Variants in UNC13C observed in about 807,000 individuals in gnomAD.
UNC13C encodes protein unc-13 homolog C.
UNC13C carries 174 observed loss-of-function variants against 245.4 expected under a neutral mutation model. The observed-to-expected ratio is 0.71, with a 90% CI of 0.63 to 0.80. UNC13C has a LOEUF of 0.80. Among genes scored for constraint, UNC13C ranks in the 30% least tolerant of loss-of-function variants. The pLI is 0.00. For synonymous variants in UNC13C, 992 were observed against 895.1 expected (o/e 1.11, Z -1.93); for missense variants, 2,829 against 2,602.9 (o/e 1.09, Z -1.89).
intron 2 of UNC13C, among the ~76,000 whole-genome samples, chr15:54,081,910 G>A (rs79827484): frequency 3.9e-5 from 6 of 151,948 alleles, no homozygotes; most frequent in African/African-American, 7.3e-5. Flanking sequence ...GTCCTTTTAC[G>A]GTAGCAAGTA....
chr15:53,885,871 A>G, the UNC13C span, among the ~76,000 whole-genome samples: 1 of 152,228 alleles, frequency 6.6e-6, no homozygotes, highest in African/African-American at 2.4e-5. Context: ...GTTGGTCATT[A>G]AGTCCTGTAC....
the UNC13C span, among the ~76,000 whole-genome samples, chr15:53,846,993 G>A: frequency 1.3e-5 from 2 of 152,080 alleles, no homozygotes; most frequent in African/African-American, 4.8e-5. Context: ...GAGAATAGTT[G>A]TCCTAGAGAG....
chr15:54,443,319 A>G (rs936827280), intron 19 of UNC13C, among the ~76,000 whole-genome samples: 4 of 151,956 alleles, frequency 2.6e-5, no homozygotes, highest in African/African-American at 9.7e-5. Flanking sequence ...TTGGTTCATC[A>G]AGCTAATGGT....
intron 30 of UNC13C, among the ~76,000 whole-genome samples, chr15:54,586,577 C>G (rs954199641): frequency 2.0e-5 from 3 of 152,166 alleles, no homozygotes; most frequent in Admixed American, 6.5e-5. Flanking sequence ...CCCTTTCTTC[C>G]AATAAAGTCA....
At chr15:54,115,811 C>G (rs1442650323) in intron 2 of UNC13C, among the ~76,000 whole-genome samples, 3 of 151,980 alleles carry the variant, frequency 2.0e-5, no homozygotes, top group African/African-American at 7.2e-5. Flanking sequence ...AGATGAATGA[C>G]ATGATTTCCC....
At chr15:53,845,209 C>T in the UNC13C span, among the ~76,000 whole-genome samples, 2 of 151,566 alleles carry the variant, frequency 1.3e-5, no homozygotes, top group Non-Finnish European at 2.9e-5. Flanking sequence ...CCTGTAGTTC[C>T]AGCTACTCAG....
At chr15:54,541,832 G>A (rs1896260249) in intron 26 of UNC13C, among the ~76,000 whole-genome samples, 1 of 151,994 alleles carries the variant, frequency 6.6e-6, no homozygotes, top group African/African-American at 2.4e-5. Context: ...TATTAAAATA[G>A]GTAAATTTTT....
At chr15:54,489,250 C>A (rs933384011) in intron 19 of UNC13C, among the ~76,000 whole-genome samples, 2 of 152,072 alleles carry the variant, frequency 1.3e-5, no homozygotes, top group African/African-American at 4.8e-5. Flanking sequence ...TGAGAGACCA[C>A]AAATATGAAA....
At chr15:54,000,321 A>T (rs1894827945) in intron 1 of UNC13C, among the ~76,000 whole-genome samples, 1 of 152,094 alleles carries the variant, frequency 6.6e-6, no homozygotes. Flanking sequence ...AACCTCTCCA[A>T]ACTTTGATCT....
At chr15:54,532,476 A>G (rs1317288962) in intron 25 of UNC13C, among the ~76,000 whole-genome samples, 1 of 152,218 alleles carries the variant, frequency 6.6e-6, no homozygotes, top group Non-Finnish European at 1.5e-5. Context: ...GTACATATAC[A>G]CCATGAAATA....
chr15:54,448,356 C>A (rs1466211182), intron 19 of UNC13C, among the ~76,000 whole-genome samples: 1 of 152,128 alleles, frequency 6.6e-6, no homozygotes, highest in Non-Finnish European at 1.5e-5. Flanking sequence ...GTTGATCTGT[C>A]TAATGTTGAC....
chr15:53,908,624 G>T, the UNC13C span, among the ~76,000 whole-genome samples: 1 of 144,228 alleles, frequency 6.9e-6, no homozygotes, highest in Non-Finnish European at 1.5e-5. Context: ...GCATGGTGAT[G>T]TGCACCTGTA....
At chr15:54,281,951 G>A (rs749193579) in intron 10 of UNC13C, among the ~76,000 whole-genome samples, 24 of 152,060 alleles carry the variant, frequency 1.6e-4, no homozygotes, top group Non-Finnish European at 2.9e-4. Context: ...TGTTCATGTA[G>A]CCTAATGTTT....
Position 54,493,530 on chromosome 15 carries a change from C to T in UNC13C, c.4934-1078C>T, listed in dbSNP as rs546612812. On this transcript the variant is annotated intron_variant, in intron 19 of 32. Transcript: ENST00000260323. ...TTGGGATTTTAGTCCCTCTATATTCCGGTTTTGAAAAGCAGGGATGCCTTT... is the reference window on the plus strand; with the variant it reads ...TTGGGATTTTAGTCCCTCTATATTCTGGTTTTGAAAAGCAGGGATGCCTTT... Among the ~76,000 whole-genome samples, 7 of 152,100 alleles carry T rather than the reference C, an allele frequency of 4.6e-5. No individual in the cohort carries two copies. The East Asian group carries it at 9.7e-4, about 21-fold the overall frequency.
intron 29 of UNC13C, among the ~76,000 whole-genome samples, chr15:54,562,297 A>G (rs1337163409): frequency 1.3e-5 from 2 of 152,070 alleles, no homozygotes; most frequent in Non-Finnish European, 2.9e-5. Context: ...CATTCTATAA[A>G]TGAATTAACT....
intron 10 of UNC13C, among the ~76,000 whole-genome samples, chr15:54,280,627 T>C (rs995868208): frequency 6.7e-6 from 1 of 148,890 alleles, no homozygotes; most frequent in Admixed American, 6.7e-5. Flanking sequence ...TATGTATACA[T>C]ACAAGTATAC....
At chr15:54,179,384 G>A (rs1267369392) in intron 4 of UNC13C, among the ~76,000 whole-genome samples, 1 of 152,066 alleles carries the variant, frequency 6.6e-6, no homozygotes, top group Admixed American at 6.6e-5. Flanking sequence ...TCAAAGGGCA[G>A]AAGTATACAT....
the UNC13C span, among the ~76,000 whole-genome samples, chr15:53,907,694 A>T: frequency 1.3e-5 from 2 of 152,238 alleles, no homozygotes; most frequent in African/African-American, 4.8e-5. Flanking sequence ...TATGAACTTT[A>T]TAAATAAAAG....
At chr15:54,139,514 A>G (rs2141230332) in intron 2 of UNC13C, among the ~76,000 whole-genome samples, 1 of 152,302 alleles carries the variant, frequency 6.6e-6, no homozygotes, top group Middle Eastern at 3.4e-3. Context: ...ATTGATAGAC[A>G]TGTTTTGAAA....
Sources: gnomAD v4.1 joint callset for allele counts (sites outside exome capture counted in the v4.1 genomes callset) on GRCh38, gnomAD v4.1.1 for gene constraint, MANE v1.5 for transcripts, NCBI Gene and HGNC (gene_info 2026-07-23, HGNC 2026-07-21) for gene names.